ABLIM1: variants seen among roughly 807,000 people sequenced by gnomAD.
ABLIM1 encodes actin-binding LIM protein 1.
In ABLIM1, 40 loss-of-function variants were observed where a neutral mutation model predicts 107.0. The ratio of observed to expected loss-of-function variants is 0.37; its 90% CI spans 0.29 to 0.49. ABLIM1 has a LOEUF of 0.49. ABLIM1 is among the 20% of genes least tolerant of loss of function. The pLI, the probability that ABLIM1 is intolerant of heterozygous loss-of-function variation, is 0.97. For missense variants in ABLIM1, 857 were observed against 1,008.5 expected, an observed-to-expected ratio of 0.85 and a Z score of 2.04; for synonymous variants, 357 against 357.3, an observed-to-expected ratio of 1.00 and a Z score of 0.01.
intron 1 of ABLIM1, among the ~76,000 whole-genome samples, chr10:114,650,759 C>T (rs2079203482): frequency 6.6e-6 from 1 of 152,174 alleles, no homozygotes; most frequent in African/African-American, 2.4e-5. Context: ...ATCCTACTTT[C>T]TCTTTCCCTT....
the ABLIM1 span, among the ~76,000 whole-genome samples, chr10:114,782,347 C>T: frequency 4.6e-5 from 7 of 152,016 alleles, no homozygotes; most frequent in African/African-American, 1.7e-4. Context: ...TAAAGAACAA[C>T]AGAAAAGGCA....
At chr10:114,605,836 T>C (rs1244529814) in intron 1 of ABLIM1, among the ~76,000 whole-genome samples, 1 of 152,140 alleles carries the variant, frequency 6.6e-6, no homozygotes, top group African/African-American at 2.4e-5. Flanking sequence ...AGTTTCACAC[T>C]GTCTTTCAGA....
chr10:114,530,810 AGG>A (rs2065370315), intron 6 of ABLIM1, among the ~76,000 whole-genome samples: 1 of 152,162 alleles, frequency 6.6e-6, no homozygotes, highest in Non-Finnish European at 1.5e-5. Context: ...CTGGGATTAT[AGG>A]CGTGAGCCAC....
At chr10:114,766,004 C>G (rs1404525675) in intron 1 of ABLIM1, among the ~76,000 whole-genome samples, 1 of 152,060 alleles carries the variant, frequency 6.6e-6, no homozygotes, top group African/African-American at 2.4e-5. Flanking sequence ...ATGTCTATTA[C>G]AATATTTGAA....
intron 1 of ABLIM1, among the ~76,000 whole-genome samples, chr10:114,767,544 C>T (rs979716504): frequency 1.3e-5 from 2 of 151,654 alleles, no homozygotes; most frequent in African/African-American, 4.9e-5. Flanking sequence ...AATTGTTTTA[C>T]TCCAGAAAGA....
rs1456431987 is a variant in ABLIM1, at chr10:114,571,303, A to T, written c.667T>A (p.Ser223Thr). Residue 223 changes from serine to threonine, a missense_variant, in exon 4 of 23, where the codon TCC becomes ACC. Physicochemically the swap from Ser to Thr is moderately conservative, Grantham distance 58 (BLOSUM62 1). Coordinates refer to ENST00000533213, the MANE Select transcript of ABLIM1 (RefSeq NM_002313.7). The stretch of plus-strand genomic sequence containing the variant: ...GGGTCACCGGGGCACTTACTGCTGG[A>T]GAAGGTGGTTTCTTTCGGACTGGAC... ...MSSSPKETTFSSNCAGCGRDI... is the reference protein window; with the variant it reads ...MSSSPKETTFTSNCAGCGRDI... The T allele has an allele frequency of 6.2e-7, 1 of 1,613,958 alleles. No homozygotes were observed. The highest frequency in any genetic ancestry group is 8.5e-7 in the Non-Finnish European group (1 of 1,179,878).
chr10:114,624,980 T>C (rs887115299), intron 1 of ABLIM1, among the ~76,000 whole-genome samples: 1 of 152,140 alleles, frequency 6.6e-6, no homozygotes, highest in Admixed American at 6.5e-5. Context: ...CCCACAAAGA[T>C]GGGAAATTCA....
intron 1 of ABLIM1, among the ~76,000 whole-genome samples, chr10:114,733,325 A>G (rs1282864060): frequency 6.6e-6 from 1 of 152,216 alleles, no homozygotes; most frequent in Non-Finnish European, 1.5e-5. Flanking sequence ...TTTTTATGCA[A>G]TACAAAGTAG....
chr10:114,691,173 G>A (rs1251143920), intron 1 of ABLIM1, among the ~76,000 whole-genome samples: 1 of 152,130 alleles, frequency 6.6e-6, no homozygotes, highest in Non-Finnish European at 1.5e-5. Flanking sequence ...GCACAGATTT[G>A]AACTCGGATC....
intron 1 of ABLIM1, among the ~76,000 whole-genome samples, chr10:114,626,829 T>C (rs1291250169): frequency 6.6e-6 from 1 of 152,122 alleles, no homozygotes; most frequent in African/African-American, 2.4e-5. Context: ...GGGACTGGTG[T>C]CCTTTTAAAA....
At chr10:114,677,865 CA>C (rs1239026461) in intron 1 of ABLIM1, among the ~76,000 whole-genome samples, 1 of 152,154 alleles carries the variant, frequency 6.6e-6, no homozygotes, top group East Asian at 1.9e-4. Flanking sequence ...AGATTTCTAG[CA>C]AAAAACTGTT....
intron 6 of ABLIM1, among the ~76,000 whole-genome samples, chr10:114,499,909 T>C (rs1284618073): frequency 1.3e-5 from 2 of 152,238 alleles, no homozygotes; most frequent in East Asian, 3.8e-4. Flanking sequence ...CCAATGCAAC[T>C]GGACTGGCTT....
intron 1 of ABLIM1, among the ~76,000 whole-genome samples, chr10:114,607,596 T>C (rs1256703906): frequency 6.6e-6 from 1 of 152,224 alleles, no homozygotes; most frequent in Non-Finnish European, 1.5e-5. Flanking sequence ...AATGTACCTT[T>C]GATATGATGT....
intron 1 of ABLIM1, among the ~76,000 whole-genome samples, chr10:114,729,325 C>T (rs2082025793): frequency 6.6e-6 from 1 of 152,062 alleles, no homozygotes; most frequent in South Asian, 2.1e-4. Context: ...CTGGCAGCAC[C>T]ACCCTGTTCT....
intron 19 of ABLIM1, among the ~76,000 whole-genome samples, chr10:114,440,499 G>A (rs1214082805): frequency 6.6e-6 from 1 of 151,916 alleles, no homozygotes; most frequent in East Asian, 1.9e-4. Context: ...AGGCTGGAGT[G>A]CAGTGGCATG....
At chr10:114,748,077 T>G (rs2082422940) in intron 1 of ABLIM1, among the ~76,000 whole-genome samples, 1 of 151,756 alleles carries the variant, frequency 6.6e-6, no homozygotes, top group Admixed American at 6.6e-5. Context: ...AACAATAGCA[T>G]ATAACATCTG....
At chr10:114,768,786 A>G (rs2142781827), upstream of ABLIM1, among the ~76,000 whole-genome samples, 1 of 152,144 alleles carries the variant, frequency 6.6e-6, no homozygotes, top group Non-Finnish European at 1.5e-5. Context: ...CATACACTTG[A>G]TTTACTGCAT....
chr10:114,570,845 A>C (rs2138761250), intron 4 of ABLIM1, among the ~76,000 whole-genome samples: 1 of 152,048 alleles, frequency 6.6e-6, no homozygotes, highest in Non-Finnish European at 1.5e-5. Context: ...GGCTCAAGCA[A>C]TCCTCCCGCC....
At chr10:114,535,168 G>A (rs2065860183) in intron 6 of ABLIM1, among the ~76,000 whole-genome samples, 1 of 152,182 alleles carries the variant, frequency 6.6e-6, no homozygotes, top group Non-Finnish European at 1.5e-5. Flanking sequence ...TTCAACTTGA[G>A]TCGACTTTCC....
Sources: gnomAD v4.1 joint callset for allele counts (sites outside exome capture counted in the v4.1 genomes callset) on GRCh38, gnomAD v4.1.1 for gene constraint, MANE v1.5 for transcripts, NCBI Gene and HGNC (gene_info 2026-07-23, HGNC 2026-07-21) for gene names.